The following THRB variants were observed in gnomAD, a reference collection of about 807,000 sequenced individuals.
The protein encoded by THRB is thyroid hormone receptor beta.
THRB carries 12 observed loss-of-function variants against 47.8 expected under a neutral mutation model. The observed-to-expected ratio is 0.25, with a 90% CI of 0.16 to 0.41. The LOEUF (loss-of-function observed/expected upper bound fraction) is 0.41, where lower values mean the gene tolerates loss of function less well. Among genes scored for constraint, THRB ranks in the 10% least tolerant of loss-of-function variants. The pLI is 1.00. For synonymous variants in THRB, 218 were observed against 212.2 expected (o/e 1.03, Z -0.24); for missense variants, 348 against 589.2 (o/e 0.59, Z 4.24).
intron 1 of THRB, among the ~76,000 whole-genome samples, chr3:24,382,765 C>T (rs2065810790): frequency 1.3e-5 from 2 of 152,110 alleles, no homozygotes; most frequent in Non-Finnish European, 2.9e-5. Context: ...ACCCATTTTT[C>T]TCCAAACACA....
At chr3:24,189,512 A>G (rs1256490956) in intron 5 of THRB, among the ~76,000 whole-genome samples, 1 of 143,336 alleles carries the variant, frequency 7.0e-6, no homozygotes, top group East Asian at 1.9e-4. Context: ...AACTTAGGCC[A>G]GTTTAATGTT....
At chr3:24,279,809 T>C (rs2054353230) in intron 3 of THRB, among the ~76,000 whole-genome samples, 1 of 152,198 alleles carries the variant, frequency 6.6e-6, no homozygotes, top group East Asian at 1.9e-4. Context: ...TTAAACCTTA[T>C]TACTCTCCCT....
chr3:24,179,695 G>A (rs2041642634), intron 5 of THRB, among the ~76,000 whole-genome samples: 1 of 152,108 alleles, frequency 6.6e-6, no homozygotes, highest in African/African-American at 2.4e-5. Flanking sequence ...ATCCAACTCA[G>A]AAAGTAAGCA....
At chr3:24,446,763 G>A (rs2072130467) in intron 1 of THRB, among the ~76,000 whole-genome samples, 1 of 152,126 alleles carries the variant, frequency 6.6e-6, no homozygotes, top group Non-Finnish European at 1.5e-5. Context: ...TAATGTGAGA[G>A]TGGGCGGCTG....
intron 3 of THRB, among the ~76,000 whole-genome samples, chr3:24,273,577 T>C (rs1051055015): frequency 2.6e-5 from 4 of 152,220 alleles, no homozygotes; most frequent in Non-Finnish European, 4.4e-5. Flanking sequence ...ATCCTAAAGC[T>C]TGTGAAGACA....
intron 1 of THRB, among the ~76,000 whole-genome samples, chr3:24,439,530 A>T (rs13066150): frequency 0.91 from 139,067 of 152,198 alleles, 64,672 homozygotes; most frequent in Non-Finnish European, 1. Flanking sequence ...GTCTCTATAT[A>T]TGTTGATGCC....
intron 5 of THRB, among the ~76,000 whole-genome samples, chr3:24,166,890 G>C (rs992021788): frequency 7.9e-5 from 12 of 152,070 alleles, no homozygotes; most frequent in Admixed American, 5.2e-4. Flanking sequence ...TTCTGGGACA[G>C]GGACATATGG....
intron 1 of THRB, among the ~76,000 whole-genome samples, chr3:24,433,582 A>G (rs1312181405): frequency 6.6e-6 from 1 of 152,178 alleles, no homozygotes; most frequent in East Asian, 1.9e-4. Flanking sequence ...GACCTCCAGA[A>G]CTGTAAAATA....
intron 3 of THRB, among the ~76,000 whole-genome samples, chr3:24,280,423 A>G (rs1162188518): frequency 1.3e-5 from 2 of 152,146 alleles, no homozygotes; most frequent in Non-Finnish European, 2.9e-5. Context: ...CATCCACACC[A>G]AAAACCCATC....
intron 1 of THRB, among the ~76,000 whole-genome samples, chr3:24,374,170 C>A (rs73043774): frequency 0.07 from 10,682 of 152,096 alleles, 521 homozygotes; most frequent in Non-Finnish European, 0.11. Context: ...AAGAGACGTA[C>A]AGGGAATGTA....
intron 3 of THRB, among the ~76,000 whole-genome samples, chr3:24,233,674 A>T (rs1352025841): frequency 2.0e-5 from 3 of 152,194 alleles, no homozygotes; most frequent in Non-Finnish European, 4.4e-5. Flanking sequence ...TTTAAGAAGG[A>T]TGTCTCATGT....
chr3:24,186,968 G>A (rs1278635508), intron 5 of THRB, among the ~76,000 whole-genome samples: 13 of 103,138 alleles, frequency 1.3e-4, no homozygotes, highest in African/African-American at 2.1e-4. Flanking sequence ...AAAAAAAAAA[G>A]CAGTATTCAG....
intron 5 of THRB, among the ~76,000 whole-genome samples, chr3:24,175,527 C>T (rs185108849): frequency 2.6e-5 from 4 of 152,216 alleles, no homozygotes; most frequent in Non-Finnish European, 4.4e-5. Flanking sequence ...GAATAGTATT[C>T]GTAAGGCTGG....
At chr3:24,428,991 G>T (rs571344944) in intron 1 of THRB, among the ~76,000 whole-genome samples, 139 of 151,538 alleles carry the variant, frequency 9.2e-4, no homozygotes, top group Middle Eastern at 3.4e-3. Context: ...ATAAATAATT[G>T]TTTTGATATA....
At chr3:24,395,656 T>G (rs2066901933) in intron 1 of THRB, among the ~76,000 whole-genome samples, 1 of 152,108 alleles carries the variant, frequency 6.6e-6, no homozygotes, top group Non-Finnish European at 1.5e-5. Context: ...CCTTATATGC[T>G]GGTGAAGGGA....
At chr3:24,440,931 A>G (rs1016791639) in intron 1 of THRB, among the ~76,000 whole-genome samples, 2 of 152,222 alleles carry the variant, frequency 1.3e-5, no homozygotes, top group African/African-American at 4.8e-5. Flanking sequence ...TCCATGGGTC[A>G]GGAGTCCAGG....
intron 7 of THRB, among the ~76,000 whole-genome samples, chr3:24,146,007 T>G (rs878985972): frequency 6.6e-6 from 1 of 152,168 alleles, no homozygotes; most frequent in Non-Finnish European, 1.5e-5. Flanking sequence ...CCTCGCACAG[T>G]GTGGGGAGAA....
chr3:24,438,534 T>TGTGTGTGC (rs2071213607), intron 1 of THRB, among the ~76,000 whole-genome samples: 2 of 151,600 alleles, frequency 1.3e-5, no homozygotes, highest in East Asian at 3.9e-4. Context: ...TGTGTGTGTG[T>TGTGTGTGC]GTGCACATGC....
intron 5 of THRB, among the ~76,000 whole-genome samples, chr3:24,184,489 A>G (rs376459540): frequency 1.7e-4 from 26 of 152,160 alleles, no homozygotes; most frequent in African/African-American, 4.8e-4. Context: ...TGAATTTCTG[A>G]TATCTACCTC....
Sources: gnomAD v4.1 joint callset for allele counts (sites outside exome capture counted in the v4.1 genomes callset) on GRCh38, gnomAD v4.1.1 for gene constraint, MANE v1.5 for transcripts, NCBI Gene and HGNC (gene_info 2026-07-23, HGNC 2026-07-21) for gene names.